F5: variants seen among roughly 807,000 people sequenced by gnomAD.
F5 encodes coagulation factor V.
F5 carries 138 observed loss-of-function variants against 216.4 expected under a neutral mutation model. The ratio of observed to expected loss-of-function variants is 0.64; its 90% CI spans 0.56 to 0.73. The LOEUF (loss-of-function observed/expected upper bound fraction) is 0.73. Among genes scored for constraint, F5 ranks in the 30% least tolerant of loss-of-function variants. The probability of loss-of-function intolerance (pLI) is 0.00; values close to 1 mark genes in which losing one functional copy is unlikely to be tolerated. For synonymous variants in F5, 916 were observed against 930.7 expected (o/e 0.98, Z 0.29); for missense variants, 2,403 against 2,674.0 (o/e 0.90, Z 2.24).
rs999211717 is a variant in F5, at chr1:169,556,572, G to A, written c.952+74C>T. The A allele has an allele frequency of 3.4e-6, 5 of 1,450,804 alleles. No homozygotes were observed. The African/African-American group carries it at 5.6e-5, about 16-fold the overall frequency. The allele number at this position is 1,450,804 out of a possible 1,614,324, so 89.9% of individuals were successfully genotyped here. Reference sequence around the variant, plus strand: ...GTGCAGGTGGCTTGAAAGGGCAAGGGAGAAAGAGGGAGTTAGTGCATGGGA... The same window carrying A: ...GTGCAGGTGGCTTGAAAGGGCAAGGAAGAAAGAGGGAGTTAGTGCATGGGA... On this transcript the variant is annotated intron_variant, in intron 6 of 24. Coordinates refer to ENST00000367797, the MANE Select transcript of F5 (RefSeq NM_000130.5).
intron 21 of F5, 71 bp downstream of exon 21, chr1:169,523,126 T>C: frequency 6.6e-7 from 1 of 1,520,668 alleles, no homozygotes; most frequent in South Asian, 1.1e-5. Flanking sequence ...TACATAATCA[T>C]TAGGTATAGT....
intron 17 of F5, among the ~76,000 whole-genome samples, chr1:169,527,651 G>A (rs1472001129): frequency 6.6e-6 from 1 of 152,120 alleles, no homozygotes; most frequent in Non-Finnish European, 1.5e-5. Flanking sequence ...ACACACAGTG[G>A]CTTGGGAGAA....
intron 8 of F5, 115 bp downstream of exon 8, chr1:169,552,442 A>G (rs1252611862): frequency 2.3e-6 from 2 of 867,344 alleles, no homozygotes; most frequent in Non-Finnish European, 1.8e-6. Context: ...TAAAAGTTGC[A>G]TTTGAATTTA....
intron 14 of F5, among the ~76,000 whole-genome samples, chr1:169,535,707 A>T (rs2101814739): frequency 6.6e-6 from 1 of 152,308 alleles, no homozygotes; most frequent in African/African-American, 2.4e-5. Context: ...TTGAAAAAGG[A>T]TCCCCTAATC....
intron 3 of F5, among the ~76,000 whole-genome samples, chr1:169,562,889 C>T (rs988806534): frequency 3.3e-5 from 5 of 151,864 alleles, no homozygotes; most frequent in African/African-American, 1.2e-4. Flanking sequence ...AAAAATTTCT[C>T]TATATTTATC....
chr1:169,556,088 G>A (rs1259428708), intron 6 of F5, among the ~76,000 whole-genome samples: 4 of 152,058 alleles, frequency 2.6e-5, no homozygotes, highest in Non-Finnish European at 1.5e-5. Context: ...ACCACATAAC[G>A]TGGGTTGATT....
In F5 at chr1:169,549,655, T is replaced by C. The variant is rs965334934; in HGVS notation, c.1611+146A>G. On this transcript the variant is annotated intron_variant, in intron 10 of 24. Coordinates refer to ENST00000367797, the MANE Select transcript of F5 (RefSeq NM_000130.5). ...AAGACAAAAAAAAAAAAAGAATAAA[T>C]GTTATCACACTGGTGCTAAAAAGGA... The C allele has an allele frequency of 7.1e-5, 45 of 631,390 alleles. 1 individual carries two copies. Among genetic ancestry groups the C allele is most frequent in the African/African-American group, 6.7e-4 (36 of 53,680 alleles). 39.1% of individuals were successfully genotyped at this position (631,390 alleles called of 1,614,324 possible).
intron 22 of F5, among the ~76,000 whole-genome samples, chr1:169,519,320 A>T (rs1047653856): frequency 3.3e-5 from 5 of 152,238 alleles, no homozygotes; most frequent in African/African-American, 1.2e-4. Context: ...TAAGAAGAAA[A>T]TAATGCTTCT....
At chr1:169,544,665 T>G (rs1479410523) in intron 11 of F5, 157 bp from the exon 12 acceptor site, 1 of 675,552 alleles carries the variant, frequency 1.5e-6, no homozygotes, top group Non-Finnish European at 2.6e-6. Context: ...GACTAGAAGA[T>G]CAAACTCAGA....
In F5 at chr1:169,514,221, G is replaced by T; in HGVS notation, c.*92C>A. ...AAAGAAAGAGAAATAGTGGAAAACT[G>T]TTAACATTTAACACAGCGTAAAATA... On this transcript the variant is annotated 3_prime_UTR_variant, in exon 25 of 25. Coordinates refer to ENST00000367797, the MANE Select transcript of F5 (RefSeq NM_000130.5). 7.6e-7 allele frequency: 1 copy of T among 1,312,474 alleles called. No homozygotes were observed. Among genetic ancestry groups the T allele is most frequent in the Non-Finnish European group, 1.1e-6 (1 of 915,200 alleles). The allele number at this position is 1,312,474 out of a possible 1,614,324, so 81.3% of individuals were successfully genotyped here.
intron 2 of F5, among the ~76,000 whole-genome samples, chr1:169,579,821 GTCTTTC>G (rs1184219866): frequency 2.0e-5 from 3 of 152,170 alleles, no homozygotes; most frequent in Non-Finnish European, 2.9e-5. Context: ...CTCTGGACTG[GTCTTTC>G]TCCAATCTAT....
intron 7 of F5, 60 bp downstream of exon 7, chr1:169,555,122 T>G (rs1275202401): frequency 6.3e-7 from 1 of 1,591,568 alleles, no homozygotes; most frequent in Non-Finnish European, 8.6e-7. Flanking sequence ...CCCAAACATC[T>G]AGGACCCTAT....
intron 15 of F5, among the ~76,000 whole-genome samples, chr1:169,530,158 T>C (rs1047808221): frequency 6.6e-6 from 1 of 152,204 alleles, no homozygotes. Context: ...AAATATAAAT[T>C]CATTCATTGA....
chr1:169,574,940 C>A (rs969729748), intron 2 of F5, among the ~76,000 whole-genome samples: 5 of 152,136 alleles, frequency 3.3e-5, no homozygotes, highest in African/African-American at 1.2e-4. Context: ...ACACCCACTC[C>A]CTGCCTTCAT....
intron 7 of F5, 53 bp downstream of exon 7, chr1:169,555,129 C>G: frequency 1.2e-6 from 2 of 1,601,032 alleles, no homozygotes; most frequent in South Asian, 2.2e-5. Context: ...ATCTAGGACC[C>G]TATGGAATGT....
chr1:169,557,547 T>C (rs1660361161), intron 5 of F5, among the ~76,000 whole-genome samples: 1 of 152,208 alleles, frequency 6.6e-6, no homozygotes, highest in South Asian at 2.1e-4. Context: ...GAGCTTTTCA[T>C]GGAAGGAGTA....
At chr1:169,527,823 G>A in intron 17 of F5, 92 bp downstream of exon 17, 2 of 1,492,686 alleles carry the variant, frequency 1.3e-6, no homozygotes, top group Non-Finnish European at 1.8e-6. Context: ...CCCTTAGGAA[G>A]TATATGCACA....
At chr1:169,529,563 A>G in intron 16 of F5, 45 bp downstream of exon 16, 1 of 1,514,204 alleles carries the variant, frequency 6.6e-7, no homozygotes, top group East Asian at 2.3e-5. Context: ...ACTGTGACCC[A>G]GTGTGATTTA....
At position 169,517,201 on chromosome 1, in the gene F5, G is replaced by A. The variant is rs183211997; in HGVS notation, c.6345+1211C>T. Among the ~76,000 whole-genome samples, 207 of 152,138 alleles carry A rather than the reference G, an allele frequency of 1.4e-3. 1 individual carries two copies. Among genetic ancestry groups the A allele is most frequent in the African/African-American group, 4.5e-3 (188 of 41,506 alleles). Reference sequence around the variant, plus strand: ...GCATGGCCTGTTTACTGGGAGAATGGGATTCTAGTCCTGATTCTGCTACCA... The same window carrying A: ...GCATGGCCTGTTTACTGGGAGAATGAGATTCTAGTCCTGATTCTGCTACCA... On this transcript the variant is annotated intron_variant, in intron 23 of 24. Transcript: ENST00000367797.
Sources: allele counts gnomAD v4.1 joint callset (sites outside exome capture counted in the v4.1 genomes callset), GRCh38; gene constraint gnomAD v4.1.1; transcripts MANE v1.5; gene names NCBI Gene and HGNC (gene_info 2026-07-23, HGNC 2026-07-21).